SHKBP1: variants seen among roughly 807,000 people sequenced by gnomAD.
The protein encoded by SHKBP1 is SH3KBP1 binding protein 1, also known as SH3KBP1-binding protein 1.
A neutral mutation model predicts 83.9 loss-of-function variants in SHKBP1; 71 were observed. The observed-to-expected ratio is 0.85, with a 90% confidence interval of 0.70 to 1.03. The LOEUF (loss-of-function observed/expected upper bound fraction) is 1.03, where lower values mean the gene tolerates loss of function less well. SHKBP1 is among the 50% of genes least tolerant of loss of function. SHKBP1 has a pLI of 0.00. For synonymous variants in SHKBP1, 371 were observed against 398.0 expected, an observed-to-expected ratio of 0.93 and a Z score of 0.81; for missense variants, 824 against 982.4, an observed-to-expected ratio of 0.84 and a Z score of 2.16.
intron 13 of SHKBP1, among the ~76,000 whole-genome samples, chr19:40,587,561 A>G (rs1398435010): frequency 6.6e-6 from 1 of 152,148 alleles, no homozygotes; most frequent in Non-Finnish European, 1.5e-5. Flanking sequence ...ACTGCACTCC[A>G]GCCTAGGCAA....
rs866685830 is a variant in SHKBP1, at chr19:40,588,566, G to T, written c.1337-58G>T. ...GGGGCTGTCCTGAGGCTCTGGACGG[G>T]CAGGCAGCATTGATGCCTGCACCAG... On this transcript the variant is annotated intron_variant, in intron 13 of 17. Coordinates refer to ENST00000291842, the MANE Select transcript of SHKBP1 (RefSeq NM_138392.4). 15 of 1,604,896 alleles carry T rather than the reference G, an allele frequency of 9.3e-6. No individual in the cohort carries two copies. In the Middle Eastern group the frequency reaches 2.0e-3, roughly 216 times the overall value.
chr19:40,583,963 C>T (rs1466827701), intron 12 of SHKBP1, among the ~76,000 whole-genome samples: 1 of 152,166 alleles, frequency 6.6e-6, no homozygotes, highest in Admixed American at 6.6e-5. Context: ...GCCTCAGCCT[C>T]CCAAGTAGCT....
rs78651467 is a variant in SHKBP1 at position 40,585,551 on chromosome 19, G to A, written c.1166-1223G>A. ...TCTTTCTTTCTTTTTTTTTTTTTTTGTCTTTTCCTGAGACAGAGTATCGCT... is the reference window on the plus strand; with the variant it reads ...TCTTTCTTTCTTTTTTTTTTTTTTTATCTTTTCCTGAGACAGAGTATCGCT... On this transcript the variant is annotated intron_variant, in intron 12 of 17. Coordinates refer to ENST00000291842, the MANE Select transcript of SHKBP1 (RefSeq NM_138392.4). The A allele has an allele frequency of 5.9e-5, 3 of 51,274 alleles. No homozygotes were observed. The Admixed American group carries it at 6.5e-4, about 11-fold the overall frequency. 3.2% of individuals were successfully genotyped at this position (51,274 alleles called of 1,614,324 possible).
At position 40,586,827 on chromosome 19, in the gene SHKBP1, C is replaced by G; in HGVS notation, c.1219C>G (p.Arg407Gly). Residue 407 changes from arginine to glycine, a missense_variant, in exon 13 of 18, where the codon CGG (arginine) becomes GGG (glycine). By Grantham distance (125) the Arg-to-Gly change is moderately radical. Coordinates refer to ENST00000291842, the MANE Select transcript of SHKBP1 (RefSeq NM_138392.4). ...IAYGTSSGGVRVIVQHPETVG... is the reference protein window; with the variant it reads ...IAYGTSSGGVGVIVQHPETVG... ...CTATGGCACCAGCTCAGGGGGCGTG[C>G]GGGTCATCGTGCAGCACCCGGAGAC... 1 of 1,611,014 alleles carries G rather than the reference C, an allele frequency of 6.2e-7. No individual in the cohort carries two copies. The highest frequency in any genetic ancestry group is 1.3e-5 in the African/African-American group (1 of 74,966).
chr19:40,588,552 G>A (rs1006730556), intron 13 of SHKBP1, 72 bp from the exon 14 acceptor site: 3 of 1,591,690 alleles, frequency 1.9e-6, no homozygotes, highest in Non-Finnish European at 2.6e-6. Flanking sequence ...GGGCTGTCCT[G>A]AGGCTCTGGA....
Position 40,590,143 on chromosome 19 carries a change from A to G in SHKBP1, c.1590-101A>G. On this transcript the variant is annotated intron_variant, in intron 15 of 17. Coordinates refer to ENST00000291842, the MANE Select transcript of SHKBP1 (RefSeq NM_138392.4). This position sits in a 1 kb window ranked among gnomAD's most constrained non-coding sequence, Gnocchi z 4.6. ...AGGCTAGGGATGGATAAAGATTGGGATGGCCCCTGGAGAGGCAGGAACTGC... is the reference window on the plus strand; with the variant it reads ...AGGCTAGGGATGGATAAAGATTGGGGTGGCCCCTGGAGAGGCAGGAACTGC... 7.7e-7 allele frequency: 1 copy of G among 1,303,014 alleles called. No individual in the cohort carries two copies. Among genetic ancestry groups the G allele is most frequent in the Non-Finnish European group, 1.0e-6 (1 of 971,092 alleles). The allele number at this position is 1,303,014 out of a possible 1,614,324, so 80.7% of individuals were successfully genotyped here.
chr19:40,585,550 T>A, intron 12 of SHKBP1: 1 of 144,776 alleles, frequency 6.9e-6, no homozygotes, highest in Admixed American at 7.0e-5. Context: ...TTTTTTTTTT[T>A]GTCTTTTCCT....
At chr19:40,588,982 G>C in intron 14 of SHKBP1, 100 bp from the exon 15 acceptor site, 1 of 1,354,668 alleles carries the variant, frequency 7.4e-7, no homozygotes, top group Non-Finnish European at 1.0e-6. Context: ...ACCTGGGGAT[G>C]GGACTGGGGT....
At chr19:40,583,840 C>G (rs755376691) in intron 12 of SHKBP1, 123 bp downstream of exon 12, 2 of 733,356 alleles carry the variant, frequency 2.7e-6, no homozygotes, top group Non-Finnish European at 4.8e-6. Context: ...AGATTCAACT[C>G]TCTCTCATTT....
Position 40,583,629 on chromosome 19 carries a change from A to G in SHKBP1, c.1077A>G (p.Lys359=), listed in dbSNP as rs1390550658. The G allele has an allele frequency of 4.0e-5, 64 of 1,613,810 alleles. No individual in the cohort carries two copies. The highest frequency in any genetic ancestry group is 5.1e-5 in the Non-Finnish European group (60 of 1,179,928). ...TGCAGAAGTTCCCCTTGCGCATGAA[A>G]GACAACGACCTCCTTGTCAGCGAGC... ...VDVQKFPLRM[K]DNDLLVSELY... is the part of the protein sequence containing the mutation. The change falls in exon 12 of 18, where the codon AAA becomes AAG. Residue 359 remains lysine (K), a synonymous_variant. Transcript: ENST00000291842.
chr19:40,577,037 G>GGGAGTATCCGCCT (rs1279615590), intron 1 of SHKBP1, 52 bp downstream of exon 1: 6 of 1,353,450 alleles, frequency 4.4e-6, no homozygotes, highest in Admixed American at 5.2e-5. Flanking sequence ...GAAGCGGGGT[G>GGGAGTATCCGCCT]GGAGTATCCG....
In SHKBP1 at chr19:40,578,447, G is replaced by A. The variant is rs747374070; in HGVS notation, c.320-15G>A. The A allele has an allele frequency of 2.5e-6, 4 of 1,613,970 alleles. No homozygotes were observed. Among genetic ancestry groups the A allele is most frequent in the Non-Finnish European group, 3.4e-6 (4 of 1,179,956 alleles). Reference sequence around the variant, plus strand: ...CATCTCCCTAAGTCCCAGCCTTTAAGTCCTCCTGTTGCAGTTCGTCGCCTG... The same window carrying A: ...CATCTCCCTAAGTCCCAGCCTTTAAATCCTCCTGTTGCAGTTCGTCGCCTG... On this transcript the variant is annotated splice_polypyrimidine_tract_variant and intron_variant, in intron 5 of 17. Transcript: ENST00000291842.
At position 40,583,712 on chromosome 19, in the gene SHKBP1, A is replaced by G. The variant is rs543345692; in HGVS notation, c.1160A>G (p.Lys387Arg). ...GCCCTCAGTGTCTACCTCACCCCCA[A>G]GACCAGTAAGCTATGACCCGGCTTC... ...VTALSVYLTP[K>R]TSDSGNWIEI... Residue 387 changes from lysine (K) to arginine (R), a missense_variant, in exon 12 of 18, where the codon AAG becomes AGG. Physicochemically the swap from Lys to Arg is conservative, Grantham distance 26 (BLOSUM62 2). Transcript: ENST00000291842. 4.0e-5 allele frequency: 65 copies of G among 1,613,182 alleles called. No individual in the cohort carries two copies. The South Asian group carries it at 7.1e-4, about 18-fold the overall frequency.
intron 4 of SHKBP1, 87 bp downstream of exon 4, chr19:40,577,717 C>T (rs771122623): frequency 6.9e-7 from 1 of 1,450,464 alleles, no homozygotes; most frequent in Non-Finnish European, 9.7e-7. Context: ...CACGTGAGCT[C>T]CATTCTATTA....
In SHKBP1 at chr19:40,590,485, A is replaced by C; in HGVS notation, c.1768+63A>C. The C allele has an allele frequency of 5.3e-6, 8 of 1,509,240 alleles. No individual in the cohort carries two copies. Among genetic ancestry groups the C allele is most frequent in the South Asian group, 1.3e-5 (1 of 79,162 alleles). The allele number at this position is 1,509,240 out of a possible 1,614,324, so 93.5% of individuals were successfully genotyped here. On this transcript the variant is annotated intron_variant, in intron 16 of 17. Coordinates refer to ENST00000291842, the MANE Select transcript of SHKBP1 (RefSeq NM_138392.4). This position sits in a 1 kb window ranked among gnomAD's most constrained non-coding sequence, Gnocchi z 4.6. ...ACAGCCTCACCCAGAACCACTCTCC[A>C]CTGCCAACTGCTTGATCTCTCTCCC...
intron 4 of SHKBP1, chr19:40,577,900 C>A: frequency 3.3e-6 from 2 of 608,700 alleles, no homozygotes; most frequent in Admixed American, 5.8e-5. Context: ...GGCAAAACTT[C>A]ATGAGAATCT....
rs1375075533 is a variant in SHKBP1 at position 40,587,487 on chromosome 19, A to G, written c.1336+543A>G. 2.0e-5 allele frequency among the ~76,000 whole-genome samples: 3 copies of G among 152,236 alleles called. No individual in the cohort carries two copies. In the East Asian group the frequency reaches 5.8e-4, roughly 29 times the overall value. On this transcript the variant is annotated intron_variant, in intron 13 of 17. Coordinates refer to ENST00000291842, the MANE Select transcript of SHKBP1 (RefSeq NM_138392.4). ...GTGCCTGTAATCCCCGCTACTCGGGAGGCCGAGGGAGGAGAATTGCTTGAA... is the reference window on the plus strand; with the variant it reads ...GTGCCTGTAATCCCCGCTACTCGGGGGGCCGAGGGAGGAGAATTGCTTGAA...
intron 6 of SHKBP1, among the ~76,000 whole-genome samples, chr19:40,579,355 C>A (rs1310639620): frequency 6.6e-6 from 1 of 152,048 alleles, no homozygotes; most frequent in Non-Finnish European, 1.5e-5. Context: ...AAATAAAACC[C>A]AAACATAGCA....
intron 4 of SHKBP1, chr19:40,577,882 A>G (rs2081232106): frequency 1.1e-5 from 7 of 618,836 alleles, no homozygotes; most frequent in Non-Finnish European, 2.0e-5. Context: ...TCTCTAAAAA[A>G]GCAAACAGGC....
Sources: gnomAD v4.1 joint callset for allele counts (sites outside exome capture counted in the v4.1 genomes callset) on GRCh38, gnomAD v4.1.1 for gene constraint, Gnocchi (gnomAD v3.1) non-coding constraint, MANE v1.5 for transcripts, NCBI Gene and HGNC (gene_info 2026-07-23, HGNC 2026-07-21) for gene names.